COL22A1: variants seen among roughly 807,000 people sequenced by gnomAD.
The protein encoded by COL22A1 is collagen type XXII alpha 1 chain, also known as collagen alpha-1(XXII) chain.
Under a neutral mutation model 248.9 loss-of-function variants are expected in COL22A1, and 221 were observed. The ratio of observed to expected loss-of-function variants is 0.89; its 90% confidence interval spans 0.80 to 0.99. The LOEUF is 0.99. Among genes scored for constraint, COL22A1 ranks in the 50% least tolerant of loss-of-function variants. COL22A1 has a pLI of 0.00. For synonymous variants in COL22A1, 891 were observed against 793.4 expected, an observed-to-expected ratio of 1.12 and a Z score of -2.07; for missense variants, 2,240 against 2,179.0, an observed-to-expected ratio of 1.03 and a Z score of -0.56.
chr8:138,704,031 C>T (rs1476368548), intron 30 of COL22A1, among the ~76,000 whole-genome samples: 4 of 152,222 alleles, frequency 2.6e-5, no homozygotes, highest in Admixed American at 6.5e-5. Flanking sequence ...TCACTGCTAG[C>T]GCAGCAGTCT....
intron 12 of COL22A1, 68 bp from the exon 13 acceptor site, chr8:138,781,048 C>T (rs1476837791): frequency 5.3e-6 from 6 of 1,124,438 alleles, no homozygotes; most frequent in Non-Finnish European, 7.8e-6. Flanking sequence ...AATGCTAGTG[C>T]AGTGGAGAAC....
chr8:138,606,266 A>G, intron 58 of COL22A1, 115 bp downstream of exon 58: 1 of 964,722 alleles, frequency 1.0e-6, no homozygotes, highest in South Asian at 1.5e-5. Context: ...CACACAGGTC[A>G]TCATGGCCTG....
chr8:138,693,461 A>G (rs1827245381), intron 35 of COL22A1, among the ~76,000 whole-genome samples, 185 bp downstream of exon 35: 1 of 152,198 alleles, frequency 6.6e-6, no homozygotes, highest in East Asian at 1.9e-4. Flanking sequence ...AAGAAATGCT[A>G]CGAAGGTGGT....
intron 43 of COL22A1, among the ~76,000 whole-genome samples, chr8:138,661,033 TATACAGACACACACACAC>T (rs1432242331): frequency 4.2e-5 from 1 of 23,950 alleles, no homozygotes; most frequent in African/African-American, 1.2e-4. Context: ...TACACACACA[TATACAGACACACACACAC>T]ACGCACACAC....
chr8:138,699,643 C>A (rs1564212643), intron 32 of COL22A1, among the ~76,000 whole-genome samples: 3 of 152,180 alleles, frequency 2.0e-5, no homozygotes. Flanking sequence ...CATCGGCACA[C>A]CCCAGGCTAC....
chr8:138,750,073 T>G (rs1277052341), intron 22 of COL22A1, among the ~76,000 whole-genome samples: 1 of 152,148 alleles, frequency 6.6e-6, no homozygotes, highest in Non-Finnish European at 1.5e-5. Context: ...AACAGGAGTT[T>G]CCCTACACAA....
chr8:138,604,903 G>A (rs1818306648), intron 58 of COL22A1, 134 bp from the exon 59 acceptor site: 1 of 837,232 alleles, frequency 1.2e-6, no homozygotes, highest in East Asian at 2.7e-5. Flanking sequence ...ACCTGGCCAA[G>A]GACATCCCAG....
chr8:138,885,175 G>A (rs1275390472), intron 1 of COL22A1, among the ~76,000 whole-genome samples: 1 of 152,124 alleles, frequency 6.6e-6, no homozygotes, highest in Non-Finnish European at 1.5e-5. Context: ...GTGGCTCCAA[G>A]GACACAAACA....
At chr8:138,668,045 T>C (rs529205692) in intron 41 of COL22A1, among the ~76,000 whole-genome samples, 1 of 152,250 alleles carries the variant, frequency 6.6e-6, no homozygotes, top group African/African-American at 2.4e-5. Context: ...TATATGTTTA[T>C]TTGGATCTTA....
intron 37 of COL22A1, among the ~76,000 whole-genome samples, chr8:138,687,382 C>T (rs77838335): frequency 0.02 from 2,999 of 152,302 alleles, 38 homozygotes; most frequent in Middle Eastern, 0.048. Flanking sequence ...TAAAATTGAA[C>T]CTTCCTGCAA....
At chr8:138,796,283 C>G (rs1027037038) in intron 12 of COL22A1, among the ~76,000 whole-genome samples, 1 of 148,706 alleles carries the variant, frequency 6.7e-6, no homozygotes, top group African/African-American at 2.5e-5. Flanking sequence ...GGGAGAACAT[C>G]TTTATTTTTC....
intron 12 of COL22A1, among the ~76,000 whole-genome samples, chr8:138,796,540 T>C (rs535331046): frequency 5.3e-4 from 81 of 151,984 alleles, no homozygotes; most frequent in African/African-American, 1.9e-3. Flanking sequence ...TCCAACAGAA[T>C]ATGCCTGGAA....
At chr8:138,852,844 A>G (rs1163806449) in intron 3 of COL22A1, among the ~76,000 whole-genome samples, 1 of 152,056 alleles carries the variant, frequency 6.6e-6, no homozygotes, top group Non-Finnish European at 1.5e-5. Flanking sequence ...CTTAAATGTC[A>G]AATGAGAAGG....
chr8:138,719,784 C>T (rs5023000), intron 27 of COL22A1, among the ~76,000 whole-genome samples: 19,903 of 152,150 alleles, frequency 0.13, 2,055 homozygotes, highest in African/African-American at 0.28. Context: ...CTAGCAAGCC[C>T]GTACTGTGTA....
At chr8:138,769,530 G>C (rs1586698390) in intron 16 of COL22A1, among the ~76,000 whole-genome samples, 1 of 152,018 alleles carries the variant, frequency 6.6e-6, no homozygotes, top group South Asian at 2.1e-4. Flanking sequence ...CACCCAAAGG[G>C]CTGCCTTGTC....
intron 58 of COL22A1, among the ~76,000 whole-genome samples, chr8:138,605,392 C>T (rs570653220): frequency 1.8e-4 from 27 of 152,338 alleles, no homozygotes; most frequent in Admixed American, 1.4e-3. Context: ...AGTGCATCCA[C>T]AGGAGTGGGT....
At chr8:138,845,328 G>T (rs1277620391) in intron 3 of COL22A1, among the ~76,000 whole-genome samples, 1 of 152,032 alleles carries the variant, frequency 6.6e-6, no homozygotes, top group Non-Finnish European at 1.5e-5. Context: ...GGCCAACATG[G>T]TGAAACCCCG....
intron 3 of COL22A1, among the ~76,000 whole-genome samples, chr8:138,876,286 A>G (rs1823711848): frequency 6.6e-6 from 1 of 151,964 alleles, no homozygotes; most frequent in African/African-American, 2.4e-5. Context: ...TAAACAACCT[A>G]AGCACCACCT....
intron 9 of COL22A1, 105 bp downstream of exon 9, chr8:138,811,687 AGCCATGG>A: frequency 7.9e-7 from 1 of 1,262,104 alleles, no homozygotes; most frequent in Non-Finnish European, 1.2e-6. Flanking sequence ...GTCAGCTGAC[AGCCATGG>A]GCCTCCTGGT....
Sources: allele counts gnomAD v4.1 joint callset (sites outside exome capture counted in the v4.1 genomes callset), GRCh38; gene constraint gnomAD v4.1.1; transcripts MANE v1.5; gene names NCBI Gene and HGNC (gene_info 2026-07-23, HGNC 2026-07-21).